NRXN3: variants seen among roughly 807,000 people sequenced by gnomAD.
The protein encoded by NRXN3 is neurexin III.
In NRXN3, 32 loss-of-function variants were observed where a neutral mutation model predicts 137.6. The observed-to-expected ratio is 0.23, with a 90% confidence interval of 0.18 to 0.31. The LOEUF (loss-of-function observed/expected upper bound fraction) is 0.31, where lower values mean the gene tolerates loss of function less well. Ranked by LOEUF, NRXN3 falls within the 10% of genes least tolerant of loss-of-function variation. The probability of loss-of-function intolerance (pLI) is 1.00; values close to 1 mark genes in which losing one functional copy is unlikely to be tolerated. For missense variants in NRXN3, 1,574 were observed against 2,062.5 expected (o/e 0.76, Z 4.59); for synonymous variants, 798 against 784.5 (o/e 1.02, Z -0.29).
At chr14:78,919,380 A>G (rs1328624222) in intron 10 of NRXN3, among the ~76,000 whole-genome samples, 1 of 152,226 alleles carries the variant, frequency 6.6e-6, no homozygotes, top group East Asian at 1.9e-4. Flanking sequence ...TAACCTTGGC[A>G]ATTATTTTCA....
chr14:78,674,660 C>G (rs1304114706), intron 6 of NRXN3, among the ~76,000 whole-genome samples: 4 of 152,052 alleles, frequency 2.6e-5, no homozygotes, highest in Non-Finnish European at 5.9e-5. Context: ...TAATTGTTCC[C>G]CAGAGTAAAA....
chr14:78,926,790 T>A (rs1287342398), intron 10 of NRXN3, among the ~76,000 whole-genome samples: 4 of 27,212 alleles, frequency 1.5e-4, no homozygotes, highest in South Asian at 8.6e-4. Context: ...TAAAATATAT[T>A]ATATATTATA....
intron 4 of NRXN3, among the ~76,000 whole-genome samples, chr14:78,464,930 A>G (rs571554438): frequency 6.6e-6 from 1 of 152,204 alleles, no homozygotes; most frequent in Non-Finnish European, 1.5e-5. Flanking sequence ...ATTAACATTC[A>G]CATTCTGTTC....
intron 4 of NRXN3, among the ~76,000 whole-genome samples, chr14:78,588,006 A>G (rs1004682495): frequency 7.9e-5 from 12 of 152,234 alleles, no homozygotes; most frequent in Non-Finnish European, 1.6e-4. Context: ...AATAACCAAG[A>G]TGATTAATAA....
At chr14:79,811,833 C>T (rs2099234968) in intron 20 of NRXN3, among the ~76,000 whole-genome samples, 1 of 151,974 alleles carries the variant, frequency 6.6e-6, no homozygotes, top group South Asian at 2.1e-4. Flanking sequence ...CCACCCACCT[C>T]AGCCTCCCAC....
At chr14:79,404,487 C>T (rs1220012568) in intron 15 of NRXN3, among the ~76,000 whole-genome samples, 1 of 151,788 alleles carries the variant, frequency 6.6e-6, no homozygotes, top group African/African-American at 2.4e-5. Flanking sequence ...GAGAAAACCC[C>T]GAAGAATAGG....
chr14:78,474,202 A>G (rs1206963914), intron 4 of NRXN3, among the ~76,000 whole-genome samples: 1 of 152,232 alleles, frequency 6.6e-6, no homozygotes, highest in African/African-American at 2.4e-5. Flanking sequence ...GAGATAGGGA[A>G]TGGTGTAATT....
chr14:79,530,634 T>C (rs2097161735), intron 16 of NRXN3, among the ~76,000 whole-genome samples: 1 of 151,812 alleles, frequency 6.6e-6, no homozygotes, highest in African/African-American at 2.4e-5. Context: ...ATCTTATTTA[T>C]TTTTTAAGTA....
rs117190768 is a variant in NRXN3, at chr14:78,650,655, A to C, written c.1060-510A>C. On this transcript the variant is annotated intron_variant, in intron 5 of 20. Coordinates refer to ENST00000335750, the MANE Select transcript of NRXN3 (RefSeq NM_001330195.2). ...TTTGTCAGCGTGGTGTGAGCCAAAA[A>C]ATATTAATAACAATAAAGATAAAAG... 1.3e-3 allele frequency among the ~76,000 whole-genome samples: 205 copies of C among 152,212 alleles called. 6 individuals carry two copies. In the East Asian group the frequency reaches 0.035, roughly 26 times the overall value.
chr14:79,251,818 T>C (rs2075971005), intron 15 of NRXN3, among the ~76,000 whole-genome samples: 1 of 151,892 alleles, frequency 6.6e-6, no homozygotes, highest in Non-Finnish European at 1.5e-5. Context: ...TTCTTTTTGT[T>C]TCTTTTCTTT....
intron 4 of NRXN3, among the ~76,000 whole-genome samples, chr14:78,487,778 AAT>A (rs1223836549): frequency 2.0e-5 from 3 of 151,088 alleles, no homozygotes; most frequent in East Asian, 1.9e-4. Context: ...TAAATAAATA[AAT>A]AAATAAATAA....
intron 4 of NRXN3, among the ~76,000 whole-genome samples, chr14:78,498,285 G>C (rs1423529751): frequency 1.3e-5 from 2 of 152,178 alleles, no homozygotes; most frequent in African/African-American, 4.8e-5. Flanking sequence ...AGAGGGAGAT[G>C]ATCCTCCGGC....
intron 6 of NRXN3, among the ~76,000 whole-genome samples, chr14:78,654,593 T>C (rs1435305174): frequency 1.3e-5 from 2 of 152,240 alleles, no homozygotes; most frequent in Non-Finnish European, 2.9e-5. Context: ...TTCATACCAG[T>C]GTAAAAGCCA....
chr14:79,091,589 G>T (rs1568259997), intron 15 of NRXN3, among the ~76,000 whole-genome samples: 1 of 152,096 alleles, frequency 6.6e-6, no homozygotes. Flanking sequence ...CCTGCTTGGA[G>T]CTTACATAAT....
chr14:78,924,498 G>T (rs1690372346), intron 10 of NRXN3, among the ~76,000 whole-genome samples: 1 of 152,094 alleles, frequency 6.6e-6, no homozygotes, highest in South Asian at 2.1e-4. Context: ...CAGAGCCTCA[G>T]GATTTAACCC....
At chr14:79,842,391 T>G (rs990955277) in intron 20 of NRXN3, among the ~76,000 whole-genome samples, 8 of 152,154 alleles carry the variant, frequency 5.3e-5, no homozygotes, top group African/African-American at 1.9e-4. Context: ...AGCCAAGCAC[T>G]GAGCAAGGCA....
intron 15 of NRXN3, among the ~76,000 whole-genome samples, chr14:79,328,297 G>A (rs563919604): frequency 1.3e-5 from 2 of 152,186 alleles, no homozygotes; most frequent in African/African-American, 4.8e-5. Context: ...ATAAAAGGCT[G>A]TTAAGGAGGA....
At chr14:78,297,005 C>G (rs1001166619) in intron 3 of NRXN3, among the ~76,000 whole-genome samples, 1 of 152,148 alleles carries the variant, frequency 6.6e-6, no homozygotes, top group Non-Finnish European at 1.5e-5. Flanking sequence ...CTTGTGCTTT[C>G]CTGAACCAAG....
chr14:79,454,997 G>C (rs1226938026), intron 15 of NRXN3, among the ~76,000 whole-genome samples: 3 of 152,138 alleles, frequency 2.0e-5, no homozygotes, highest in Non-Finnish European at 4.4e-5. Context: ...TTTTGTTTTT[G>C]TGTAGCATAT....
Sources: allele counts gnomAD v4.1 joint callset (sites outside exome capture counted in the v4.1 genomes callset), GRCh38; gene constraint gnomAD v4.1.1; transcripts MANE v1.5; gene names NCBI Gene and HGNC (gene_info 2026-07-23, HGNC 2026-07-21).